The following CCAR1 variants were observed in gnomAD, a reference collection of about 807,000 sequenced individuals.
CCAR1 encodes the protein cell division cycle and apoptosis regulator protein 1.
A neutral mutation model predicts 163.8 loss-of-function variants in CCAR1; 78 were observed. The observed-to-expected ratio is 0.48, with a 90% CI of 0.40 to 0.57. The LOEUF (loss-of-function observed/expected upper bound fraction) is 0.57, where lower values mean the gene tolerates loss of function less well. Ranked by LOEUF, CCAR1 falls within the 20% of genes least tolerant of loss-of-function variation. CCAR1 has a pLI of 0.00. For missense variants in CCAR1, 1,019 were observed against 1,365.2 expected (o/e 0.75, Z 4.00); for synonymous variants, 443 against 460.7 (o/e 0.96, Z 0.49).
Position 68,782,963 on chromosome 10 carries a change from C to G in CCAR1, c.2651-3173C>G, listed in dbSNP as rs566181411. Among the ~76,000 whole-genome samples the G allele has an allele frequency of 1.3e-4, 19 of 150,054 alleles. No homozygotes were observed. In the South Asian group the frequency reaches 4.0e-3, roughly 31 times the overall value. ...ATGTTTCATGGCTGCAACATCTATT[C>G]TGCAGCCCTTGGATCAGAGAGTAAT... On this transcript the variant is annotated intron_variant, in intron 19 of 24. Coordinates refer to ENST00000265872, the MANE Select transcript of CCAR1 (RefSeq NM_018237.4).
chr10:68,787,483 G>C (rs1468083663), intron 21 of CCAR1, among the ~76,000 whole-genome samples: 1 of 151,992 alleles, frequency 6.6e-6, no homozygotes. Context: ...TTTTAACAAT[G>C]AAGTTTTTTT....
chr10:68,739,869 A>G (rs2056160788), intron 4 of CCAR1, among the ~76,000 whole-genome samples: 3 of 152,280 alleles, frequency 2.0e-5, no homozygotes, highest in Middle Eastern at 6.8e-3. Context: ...TTGAATTACA[A>G]CCTCATACAG....
chr10:68,725,443 G>A (rs372396959), intron 2 of CCAR1, among the ~76,000 whole-genome samples: 1 of 151,834 alleles, frequency 6.6e-6, no homozygotes, highest in Admixed American at 6.6e-5. Flanking sequence ...CATTTTCAAA[G>A]TAAATAGAAA....
Position 68,755,121 on chromosome 10 carries a change from A to G in CCAR1, c.1459-249A>G, listed in dbSNP as rs559247746. ...TTTGGATGTTGTTGAAGTTTGAATT[A>G]TAGCTTGTTTCTTTAAAAGAACTCT... is the stretch of plus-strand genomic sequence containing the variant. On this transcript the variant is annotated intron_variant, in intron 12 of 24. Coordinates refer to ENST00000265872, the MANE Select transcript of CCAR1 (RefSeq NM_018237.4). The G allele has an allele frequency of 4.3e-6, 3 of 704,648 alleles. No homozygotes were observed. The African/African-American group carries it at 5.2e-5, about 12-fold the overall frequency. 43.6% of individuals were successfully genotyped at this position (704,648 alleles called of 1,614,324 possible).
intron 2 of CCAR1, among the ~76,000 whole-genome samples, chr10:68,726,343 G>A (rs2133297922): frequency 6.6e-6 from 1 of 152,020 alleles, no homozygotes; most frequent in South Asian, 2.1e-4. Flanking sequence ...AGTAGAGACT[G>A]GGTTTCACCC....
chr10:68,742,216 A>G (rs1399920869), intron 5 of CCAR1, among the ~76,000 whole-genome samples, 160 bp from the exon 6 acceptor site: 1 of 152,202 alleles, frequency 6.6e-6, no homozygotes, highest in Non-Finnish European at 1.5e-5. Context: ...GCTAAAAATA[A>G]TTTATAGTTT....
chr10:68,782,176 C>G (rs1321110797), intron 19 of CCAR1, among the ~76,000 whole-genome samples: 1 of 152,072 alleles, frequency 6.6e-6, no homozygotes, highest in Admixed American at 6.6e-5. Flanking sequence ...TGAACAAGGC[C>G]CTAACTCTCT....
At chr10:68,748,775 A>T (rs760411072) in intron 8 of CCAR1, among the ~76,000 whole-genome samples, 1 of 151,958 alleles carries the variant, frequency 6.6e-6, no homozygotes, top group East Asian at 1.9e-4. Flanking sequence ...GTGCAGTGGT[A>T]TGATCTCAGC....
In CCAR1 at chr10:68,789,784, A is replaced by G. The variant is rs779910328; in HGVS notation, c.3262A>G (p.Lys1088Glu). The change falls in exon 24 of 25, where the codon AAG becomes GAG. Residue 1088 changes from lysine to glutamate, a missense_variant. Around this residue, in one of 4 missense-constraint regions of CCAR1, gnomAD observed 358 missense variants for 406.4 expected, o/e 0.88. Coordinates refer to ENST00000265872, the MANE Select transcript of CCAR1 (RefSeq NM_018237.4). ...CTCTGGTGAACTCAGAGAAGTTAAA[A>G]AGGACCTTAGTCAGTTACAAGAAAA... ...SLSGELREVK[K>E]DLSQLQENLK... The G allele has an allele frequency of 2.4e-5, 38 of 1,607,762 alleles. No individual in the cohort carries two copies. The highest frequency in any genetic ancestry group is 3.1e-5 in the Non-Finnish European group (37 of 1,177,712).
In CCAR1 at chr10:68,783,968, G is replaced by A. The variant is rs1030616346; in HGVS notation, c.2651-2168G>A. On this transcript the variant is annotated intron_variant, in intron 19 of 24. Transcript: ENST00000265872. ...AGAGACGGGGTTTCACCATGTTAGC[G>A]AGGATGGTCTCGATCTCCTGACCTC... Among the ~76,000 whole-genome samples, 14 of 150,996 alleles carry A rather than the reference G, an allele frequency of 9.3e-5. No homozygotes were observed. The South Asian group carries it at 2.3e-3, about 25-fold the overall frequency.
At chr10:68,748,273 G>A (rs1289304748) in intron 8 of CCAR1, among the ~76,000 whole-genome samples, 3 of 151,910 alleles carry the variant, frequency 2.0e-5, no homozygotes, top group African/African-American at 7.3e-5. Context: ...GGTGGCAGGC[G>A]CCTGTAACCT....
chr10:68,765,613 A>C (rs563938358), intron 16 of CCAR1, among the ~76,000 whole-genome samples: 32 of 152,246 alleles, frequency 2.1e-4, no homozygotes, highest in African/African-American at 7.7e-4. Context: ...TAATTTATAT[A>C]ATCTCAATAT....
chr10:68,759,474 T>C (rs535351081), intron 15 of CCAR1: 47 of 153,668 alleles, frequency 3.1e-4, no homozygotes, highest in Middle Eastern at 1.5e-3. Flanking sequence ...ATGCGTGTAA[T>C]CCTAGCACTT....
Position 68,766,067 on chromosome 10 carries a change from A to G in CCAR1, c.2286A>G (p.Glu762=). Residue 762 remains glutamate, a synonymous_variant, in exon 17 of 25, where the codon GAA becomes GAG. Coordinates refer to ENST00000265872, the MANE Select transcript of CCAR1 (RefSeq NM_018237.4). The part of the protein sequence containing the change: ...LLDYRLEDNK[E]HSFEVSLFAE... ...ACTACAGATTAGAGGATAATAAAGA[A>G]CATTCATTTGAGGTAATGTTTTAAG... The G allele has an allele frequency of 1.9e-6, 3 of 1,604,512 alleles. No individual in the cohort carries two copies. The highest frequency in any genetic ancestry group is 2.6e-6 in the Non-Finnish European group (3 of 1,171,840).
At chr10:68,790,031 A>G in intron 24 of CCAR1, 116 bp downstream of exon 24, 1 of 637,470 alleles carries the variant, frequency 1.6e-6, no homozygotes, top group South Asian at 2.5e-5. Flanking sequence ...AAATAATGAT[A>G]GCATTGTGAC....
chr10:68,742,953 G>T (rs140785494), intron 6 of CCAR1, among the ~76,000 whole-genome samples: 1 of 151,674 alleles, frequency 6.6e-6, no homozygotes, highest in East Asian at 2.0e-4. Context: ...TTTTATTTGA[G>T]ACAGAGCCTC....
intron 11 of CCAR1, among the ~76,000 whole-genome samples, 193 bp from the exon 12 acceptor site, chr10:68,754,521 T>C (rs532041373): frequency 1.4e-4 from 21 of 152,328 alleles, no homozygotes; most frequent in African/African-American, 4.6e-4. Flanking sequence ...TATCTAGGCC[T>C]GGCGTGGTGG....
chr10:68,762,828 A>G (rs925225687), intron 16 of CCAR1, among the ~76,000 whole-genome samples: 1 of 152,234 alleles, frequency 6.6e-6, no homozygotes, highest in African/African-American at 2.4e-5. Flanking sequence ...TGGTCCATAT[A>G]ATGAAAGATA....
At chr10:68,735,554 G>A (rs1289415072) in intron 2 of CCAR1, among the ~76,000 whole-genome samples, 1 of 151,966 alleles carries the variant, frequency 6.6e-6, no homozygotes, top group African/African-American at 2.4e-5. Flanking sequence ...ACAGGTACCT[G>A]CCTCCATGTG....
Sources: allele counts gnomAD v4.1 joint callset (sites outside exome capture counted in the v4.1 genomes callset), GRCh38; gene constraint gnomAD v4.1.1; regional missense constraint gnomAD v4.1.1; transcripts MANE v1.5; gene names NCBI Gene and HGNC (gene_info 2026-07-23, HGNC 2026-07-21).